Variants in NF1 observed in about 807,000 individuals in gnomAD.
The protein encoded by NF1 is neurofibromin.
A neutral mutation model predicts 325.7 loss-of-function variants in NF1; 122 were observed. That is an observed-to-expected ratio of 0.37 (90% CI 0.32 to 0.44). The LOEUF (loss-of-function observed/expected upper bound fraction) is 0.44. Ranked by LOEUF, NF1 falls within the 20% of genes least tolerant of loss-of-function variation. NF1 has a pLI of 1.00. For synonymous variants in NF1, 1,091 were observed against 1,186.0 expected (o/e 0.92, Z 1.65); for missense variants, 2,140 against 3,415.4 (o/e 0.63, Z 9.31).
chr17:31,237,086 T>G (rs1299829411), intron 29 of NF1, among the ~76,000 whole-genome samples: 2 of 152,238 alleles, frequency 1.3e-5, no homozygotes, highest in Admixed American at 6.5e-5. Flanking sequence ...ACTTTATTTT[T>G]TACTTTTAAG....
chr17:31,287,180 A>T (rs975617745), intron 36 of NF1, among the ~76,000 whole-genome samples: 1 of 152,218 alleles, frequency 6.6e-6, no homozygotes, highest in African/African-American at 2.4e-5. Flanking sequence ...ATTTACTATT[A>T]CTGTTTCAGT....
intron 1 of NF1, among the ~76,000 whole-genome samples, chr17:31,151,237 C>T (rs1275365200): frequency 6.6e-6 from 1 of 151,782 alleles, no homozygotes; most frequent in Non-Finnish European, 1.5e-5. Context: ...AGTTTTGTAC[C>T]CTGTATACCA....
Position 31,375,084 on chromosome 17 carries a change from A to G in NF1, c.*929A>G, listed in dbSNP as rs1404365460. ...TAATTCTGAGCAGGGTAATCAGTGA[A>G]CAAAGTGTTGAAAATTGTTCCCAGA... On this transcript the variant is annotated 3_prime_UTR_variant, in exon 58 of 58. Coordinates refer to ENST00000358273, the MANE Select transcript of NF1 (RefSeq NM_001042492.3). The G allele has an allele frequency of 9.3e-6, 2 of 214,126 alleles. No individual in the cohort carries two copies. The highest frequency in any genetic ancestry group is 2.3e-5 in the African/African-American group (1 of 44,412). The allele number at this position is 214,126 out of a possible 1,614,324, so 13.3% of individuals were successfully genotyped here. A position where few individuals can be genotyped will look rare whatever the true frequency, so the allele number is the denominator to read the frequency against.
chr17:31,369,362 C>G, intron 57 of NF1, among the ~76,000 whole-genome samples: 1 of 152,154 alleles, frequency 6.6e-6, no homozygotes, highest in Non-Finnish European at 1.5e-5. Context: ...AGGATTTTGT[C>G]TTTATCTGGA....
intron 57 of NF1, among the ~76,000 whole-genome samples, chr17:31,371,731 C>T (rs1256704880): frequency 6.6e-6 from 1 of 152,236 alleles, no homozygotes; most frequent in Non-Finnish European, 1.5e-5. Context: ...GGTGGTTCAG[C>T]TATGCTCACC....
At chr17:31,185,110 G>A (rs911671969) in intron 8 of NF1, among the ~76,000 whole-genome samples, 27 of 152,072 alleles carry the variant, frequency 1.8e-4, no homozygotes, top group Admixed American at 5.9e-4. Context: ...TAAACCCTGC[G>A]CTGCCTGAGG....
At chr17:31,196,648 C>G (rs1274502252) in intron 8 of NF1, among the ~76,000 whole-genome samples, 4 of 151,462 alleles carry the variant, frequency 2.6e-5, no homozygotes, top group Non-Finnish European at 5.9e-5. Context: ...CCTATATTTT[C>G]TTATAGGAGT....
At position 31,095,243 on chromosome 17, in the gene NF1, C is replaced by T. The variant is rs1255377890; in HGVS notation, c.-67C>T. On this transcript the variant is annotated 5_prime_UTR_variant, in exon 1 of 58. Transcript: ENST00000358273. ...TTCCCTCACCTCAGCCTCCGCTCCC[C>T]GCCCTCTTCCCGGCCCAGGGCGCCG... 6 of 1,458,336 alleles carry T rather than the reference C, an allele frequency of 4.1e-6. No individual in the cohort carries two copies. Among genetic ancestry groups the T allele is most frequent in the Non-Finnish European group, 5.6e-6 (6 of 1,077,732 alleles). The allele number at this position is 1,458,336 out of a possible 1,614,324, so 90.3% of individuals were successfully genotyped here. A position where few individuals can be genotyped will look rare whatever the true frequency, so the allele number is the denominator to read the frequency against.
intron 14 of NF1, among the ~76,000 whole-genome samples, chr17:31,221,431 G>A (rs1270248027): frequency 6.6e-6 from 1 of 152,076 alleles, no homozygotes; most frequent in African/African-American, 2.4e-5. Context: ...GACAGTTTAA[G>A]TAAAAACTTA....
chr17:31,235,987 T>C lies in NF1; in HGVS notation c.3940T>C (p.Trp1314Arg), dbSNP rs576687606. 1.2e-6 allele frequency: 2 copies of C among 1,614,068 alleles called. No individual in the cohort carries two copies. Among genetic ancestry groups the C allele is most frequent in the East Asian group, 4.5e-5 (2 of 44,866 alleles). Reference sequence around the variant, plus strand: ...ACGAATTGTGATCACATCCTCTGATTGGCAACATGTTAGCTTTGAAGTGGA... The same window carrying C: ...ACGAATTGTGATCACATCCTCTGATCGGCAACATGTTAGCTTTGAAGTGGA... ...LLRIVITSSDWQHVSFEVDPT... is the reference protein window; with the variant it reads ...LLRIVITSSDRQHVSFEVDPT... Residue 1314 changes from tryptophan to arginine, a missense_variant, in exon 29 of 58, where the codon TGG (tryptophan) becomes CGG (arginine). Around this residue, in one of 10 missense-constraint regions of NF1, gnomAD observed 336 missense variants for 399.0 expected, o/e 0.84. Transcript: ENST00000358273.
rs201460308 is a variant in NF1, at chr17:31,285,281, A to AT, written c.4835+19942_4835+19943insT. 6.2e-3 allele frequency among the ~76,000 whole-genome samples: 945 copies of AT among 151,578 alleles called. 11 individuals carry two copies. The highest frequency in any genetic ancestry group is 0.021 in the African/African-American group (881 of 41,228). ...AAGACAGAGTGAGATTCTGTTTAAA[A>AT]AAAAAAAAAAAAAAAGGAAAAATTC... is the stretch of plus-strand genomic sequence containing the variant. On this transcript the variant is annotated intron_variant, in intron 36 of 57. Transcript: ENST00000358273.
chr17:31,355,114 A>T (rs1162579135), intron 51 of NF1, among the ~76,000 whole-genome samples: 1 of 152,226 alleles, frequency 6.6e-6, no homozygotes, highest in Non-Finnish European at 1.5e-5. Context: ...GTAAACAAGT[A>T]AACATTTAGA....
chr17:31,226,318 GACACAC>G (rs59547221), intron 17 of NF1, 111 bp from the exon 18 acceptor site: 639 of 689,710 alleles, frequency 9.3e-4, no homozygotes, highest in African/African-American at 2.8e-3. Context: ...TGTATGCGGA[GACACAC>G]ACACACACAC....
At chr17:31,147,336 A>G (rs1176164207) in intron 1 of NF1, among the ~76,000 whole-genome samples, 1 of 152,200 alleles carries the variant, frequency 6.6e-6, no homozygotes, top group Non-Finnish European at 1.5e-5. Flanking sequence ...TCTTGTTCTG[A>G]CTTCTGTCTG....
intron 48 of NF1, among the ~76,000 whole-genome samples, chr17:31,347,478 A>T (rs2070024150): frequency 6.6e-6 from 1 of 152,224 alleles, no homozygotes; most frequent in African/African-American, 2.4e-5. Context: ...TCATTATAAC[A>T]TATCGATAAA....
intron 8 of NF1, among the ~76,000 whole-genome samples, chr17:31,196,968 C>T (rs1274936937): frequency 1.3e-5 from 2 of 151,838 alleles, no homozygotes; most frequent in Non-Finnish European, 2.9e-5. Flanking sequence ...AGTGTGAGTT[C>T]TCCAACTTTA....
At chr17:31,125,784 C>T (rs1329431440) in intron 1 of NF1, among the ~76,000 whole-genome samples, 2 of 152,140 alleles carry the variant, frequency 1.3e-5, no homozygotes, top group Non-Finnish European at 2.9e-5. Context: ...GATCTGTCCA[C>T]CTCCGTCTCC....
rs1028842441 is a variant in NF1 at position 31,098,445 on chromosome 17, A to C, written c.60+3076A>C. ...AATGATGCGACCTTGGCTTACTGCA[A>C]CCTCTGCCTCCTGGGTTCAAGTGAT... On this transcript the variant is annotated intron_variant, in intron 1 of 57. Coordinates refer to ENST00000358273, the MANE Select transcript of NF1 (RefSeq NM_001042492.3). Among the ~76,000 whole-genome samples, 3 of 151,890 alleles carry C rather than the reference A, an allele frequency of 2.0e-5. No individual in the cohort carries two copies. The South Asian group carries it at 6.2e-4, about 32-fold the overall frequency.
chr17:31,272,095 C>T (rs1429928132), intron 36 of NF1: 7 of 151,930 alleles, frequency 4.6e-5, no homozygotes, highest in Middle Eastern at 3.2e-3. Context: ...AATATTTAAA[C>T]GTACACAATT....
Sources: gnomAD v4.1 joint callset for allele counts (sites outside exome capture counted in the v4.1 genomes callset) on GRCh38, gnomAD v4.1.1 for gene constraint, gnomAD v4.1.1 regional missense constraint, MANE v1.5 for transcripts, NCBI Gene and HGNC (gene_info 2026-07-23, HGNC 2026-07-21) for gene names.